The following PTPRK variants were observed in gnomAD, a reference collection of about 807,000 sequenced individuals.
PTPRK encodes the protein protein tyrosine phosphatase receptor type K.
In PTPRK, 75 loss-of-function variants were observed where a neutral mutation model predicts 178.0. The observed-to-expected ratio is 0.42, with a 90% CI of 0.35 to 0.51. PTPRK has a LOEUF of 0.51. Ranked by LOEUF, PTPRK falls within the 20% of genes least tolerant of loss-of-function variation. The pLI is 0.02. For missense variants in PTPRK, 1,441 were observed against 1,797.8 expected, an observed-to-expected ratio of 0.80 and a Z score of 3.59; for synonymous variants, 637 against 620.6, an observed-to-expected ratio of 1.03 and a Z score of -0.39.
intron 2 of PTPRK, among the ~76,000 whole-genome samples, chr6:128,323,984 T>C (rs1314693465): frequency 1.3e-5 from 2 of 152,134 alleles, no homozygotes. Context: ...ATGTTTCTAT[T>C]CTTTATTATA....
chr6:128,336,434 C>T (rs891414457), intron 2 of PTPRK, among the ~76,000 whole-genome samples: 1 of 152,108 alleles, frequency 6.6e-6, no homozygotes, highest in Non-Finnish European at 1.5e-5. Flanking sequence ...AACAATCAAG[C>T]ACAGATGTCC....
intron 13 of PTPRK, among the ~76,000 whole-genome samples, chr6:128,053,448 CCCCCAAGCTCTTCATCTTGTTTGGAT>C (rs1461715481): frequency 6.6e-5 from 10 of 152,084 alleles, no homozygotes; most frequent in African/African-American, 2.4e-4. Context: ...TGACTCCCCA[CCCCCAAGCTCTTCATCTTGTTTGGAT>C]TCTGATACCT....
chr6:128,508,753 G>C (rs1856732570), intron 1 of PTPRK, among the ~76,000 whole-genome samples: 1 of 151,916 alleles, frequency 6.6e-6, no homozygotes, highest in Admixed American at 6.6e-5. Flanking sequence ...GACCAGCCTG[G>C]CCAACATGGC....
chr6:128,117,140 T>C (rs2114373651), intron 7 of PTPRK, among the ~76,000 whole-genome samples: 1 of 151,654 alleles, frequency 6.6e-6, no homozygotes, highest in Non-Finnish European at 1.5e-5. Context: ...AACAAGACTC[T>C]GTCAAAAAAA....
At chr6:128,383,565 A>G (rs532512090) in intron 2 of PTPRK, among the ~76,000 whole-genome samples, 6 of 152,334 alleles carry the variant, frequency 3.9e-5, no homozygotes, top group African/African-American at 1.4e-4. Context: ...TTCATTCAAA[A>G]ATAATTTGAG....
intron 6 of PTPRK, among the ~76,000 whole-genome samples, chr6:128,206,957 T>C (rs1807089401): frequency 6.6e-6 from 1 of 152,140 alleles, no homozygotes; most frequent in Non-Finnish European, 1.5e-5. Flanking sequence ...TATGAGGTAA[T>C]TAAATTTACA....
intron 2 of PTPRK, among the ~76,000 whole-genome samples, chr6:128,356,206 A>G (rs961425099): frequency 3.2e-4 from 49 of 151,630 alleles, no homozygotes; most frequent in African/African-American, 1.2e-3. Context: ...TCTTTAGTCT[A>G]CCCCCTTGAC....
Position 128,508,299 on chromosome 6 carries a change from G to A in PTPRK, c.100+11960C>T, listed in dbSNP as rs17055936. Among the ~76,000 whole-genome samples, 1,066 of 152,152 alleles carry A rather than the reference G, an allele frequency of 7.0e-3. 17 individuals carry two copies. The highest frequency in any genetic ancestry group is 0.024 in the African/African-American group (1,014 of 41,514). The stretch of plus-strand genomic sequence containing the variant: ...GCATACCCAAAACCTGGCACAGCAT[G>A]GGCACATAGTAAGGTGCTCAAAGAT... On this transcript the variant is annotated intron_variant, in intron 1 of 29. Coordinates refer to ENST00000368226, the MANE Select transcript of PTPRK (RefSeq NM_002844.4).
At chr6:128,115,480 G>C (rs1791349521) in intron 7 of PTPRK, among the ~76,000 whole-genome samples, 1 of 151,986 alleles carries the variant, frequency 6.6e-6, no homozygotes, top group South Asian at 2.1e-4. Context: ...AGCCACAAGA[G>C]TAATGATTTT....
intron 2 of PTPRK, among the ~76,000 whole-genome samples, chr6:128,394,914 A>G (rs1840084914): frequency 6.6e-6 from 1 of 152,192 alleles, no homozygotes; most frequent in Non-Finnish European, 1.5e-5. Context: ...GCCAGTTAAT[A>G]GCACCAAGTA....
intron 6 of PTPRK, among the ~76,000 whole-genome samples, chr6:128,212,564 T>C (rs1808403245): frequency 6.6e-6 from 1 of 152,058 alleles, no homozygotes; most frequent in African/African-American, 2.4e-5. Context: ...TTAGAAAACG[T>C]GTACAGGCCT....
chr6:128,500,874 T>G (rs1047907123), intron 1 of PTPRK: 2 of 152,368 alleles, frequency 1.3e-5, no homozygotes, highest in Non-Finnish European at 2.9e-5. Flanking sequence ...CTCCGCCTCC[T>G]GGGCTCAAGC....
chr6:128,157,617 A>G (rs921142972), intron 7 of PTPRK, among the ~76,000 whole-genome samples: 1 of 151,872 alleles, frequency 6.6e-6, no homozygotes, highest in Admixed American at 6.6e-5. Context: ...TAAAGTATCT[A>G]TAAGGATTGC....
At position 128,243,504 on chromosome 6, in the gene PTPRK, A is replaced by G. The variant is rs111352314; in HGVS notation, c.496-902T>C. 5.6e-5 allele frequency among the ~76,000 whole-genome samples: 8 copies of G among 142,142 alleles called. No individual in the cohort carries two copies. In the East Asian group the frequency reaches 7.9e-4, roughly 14 times the overall value. The allele number at this position is 142,142 out of a possible 152,430, so 93.3% of individuals were successfully genotyped here. On this transcript the variant is annotated intron_variant, in intron 3 of 29. Coordinates refer to ENST00000368226, the MANE Select transcript of PTPRK (RefSeq NM_002844.4). ...GCCTGTCGCTAAAAAAAAAAAAAAA[A>G]AAAAAAAAAGAAAAGAAAAGAAAAG...
At chr6:128,458,095 T>G (rs1848606901) in intron 1 of PTPRK, among the ~76,000 whole-genome samples, 3 of 152,160 alleles carry the variant, frequency 2.0e-5, no homozygotes, top group African/African-American at 7.2e-5. Flanking sequence ...GGGTCAACAC[T>G]ATGGTCTCCA....
chr6:128,193,771 C>G (rs888984740), intron 6 of PTPRK, among the ~76,000 whole-genome samples: 2 of 151,942 alleles, frequency 1.3e-5, no homozygotes, highest in African/African-American at 4.8e-5. Flanking sequence ...GTTTTATTCA[C>G]CTTGATTTGA....
At chr6:128,222,191 T>A (rs904759747) in intron 5 of PTPRK, among the ~76,000 whole-genome samples, 3 of 152,216 alleles carry the variant, frequency 2.0e-5, no homozygotes, top group African/African-American at 7.2e-5. Flanking sequence ...ACCCTTCTCT[T>A]GTGAAGAGAT....
At chr6:128,284,990 G>C (rs1822235242) in intron 3 of PTPRK, among the ~76,000 whole-genome samples, 1 of 152,154 alleles carries the variant, frequency 6.6e-6, no homozygotes, top group African/African-American at 2.4e-5. Flanking sequence ...TACACAAAAA[G>C]AATATAAAGT....
chr6:128,003,794 T>G (rs962619216), intron 15 of PTPRK, among the ~76,000 whole-genome samples: 2 of 151,856 alleles, frequency 1.3e-5, no homozygotes, highest in Non-Finnish European at 2.9e-5. Context: ...CAAAACTTAC[T>G]TTCAACAGTA....
Sources: allele counts gnomAD v4.1 joint callset (sites outside exome capture counted in the v4.1 genomes callset), GRCh38; gene constraint gnomAD v4.1.1; transcripts MANE v1.5; gene names NCBI Gene and HGNC (gene_info 2026-07-23, HGNC 2026-07-21).